Variants in GABBR2 observed in about 807,000 individuals in gnomAD.
The protein encoded by GABBR2 is G-protein coupled receptor 51.
Under a neutral mutation model 105.6 loss-of-function variants are expected in GABBR2, and 23 were observed. The ratio of observed to expected loss-of-function variants is 0.22; its 90% CI spans 0.16 to 0.31. The LOEUF (loss-of-function observed/expected upper bound fraction) is 0.31. Among genes scored for constraint, GABBR2 ranks in the 10% least tolerant of loss-of-function variants. GABBR2 has a pLI of 1.00. For synonymous variants in GABBR2, 478 were observed against 499.7 expected, an observed-to-expected ratio of 0.96 and a Z score of 0.58; for missense variants, 734 against 1,245.5, an observed-to-expected ratio of 0.59 and a Z score of 6.18.
intron 1 of GABBR2, among the ~76,000 whole-genome samples, chr9:98,633,893 C>T (rs6478789): frequency 0.76 from 115,334 of 152,036 alleles, 44,770 homozygotes; most frequent in Middle Eastern, 0.87. Flanking sequence ...AGCTCAGTGC[C>T]GGTTGGGAGC....
At chr9:98,694,109 C>T (rs904408819) in intron 1 of GABBR2, among the ~76,000 whole-genome samples, 2 of 152,238 alleles carry the variant, frequency 1.3e-5, no homozygotes, top group African/African-American at 2.4e-5. Flanking sequence ...AATGAAAACG[C>T]CCAGCACACA....
intron 1 of GABBR2, among the ~76,000 whole-genome samples, chr9:98,582,967 G>A (rs1278518717): frequency 6.6e-6 from 1 of 152,112 alleles, no homozygotes; most frequent in Non-Finnish European, 1.5e-5. Context: ...GGGATTTCTG[G>A]ATTCCCAGTC....
intron 7 of GABBR2, among the ~76,000 whole-genome samples, chr9:98,433,583 G>A (rs1825848896): frequency 6.6e-6 from 1 of 152,022 alleles, no homozygotes; most frequent in Admixed American, 6.6e-5. Context: ...CTCAAGCTTG[G>A]GGCATTGAGG....
At chr9:98,421,447 T>A (rs1832781270) in intron 7 of GABBR2, among the ~76,000 whole-genome samples, 1 of 152,156 alleles carries the variant, frequency 6.6e-6, no homozygotes, top group Admixed American at 6.6e-5. Context: ...GGAATAAAAT[T>A]AAAACTTTAC....
intron 13 of GABBR2, among the ~76,000 whole-genome samples, chr9:98,356,198 A>T (rs1392754657): frequency 2.0e-5 from 3 of 152,252 alleles, no homozygotes; most frequent in Non-Finnish European, 4.4e-5. Flanking sequence ...GCTCGATTTC[A>T]TTAAAATTTA....
chr9:98,455,263 C>T (rs1826306067), intron 6 of GABBR2, among the ~76,000 whole-genome samples: 2 of 152,174 alleles, frequency 1.3e-5, no homozygotes, highest in Non-Finnish European at 2.9e-5. Flanking sequence ...TTACTCCAGA[C>T]CTTGGAACTT....
At chr9:98,375,479 G>A (rs1284835661) in intron 11 of GABBR2, among the ~76,000 whole-genome samples, 1 of 152,160 alleles carries the variant, frequency 6.6e-6, no homozygotes, top group Non-Finnish European at 1.5e-5. Context: ...GGGAGGCAGG[G>A]CCTGCTTTGC....
At chr9:98,471,722 A>T (rs1007107647) in intron 6 of GABBR2, among the ~76,000 whole-genome samples, 12 of 152,152 alleles carry the variant, frequency 7.9e-5, no homozygotes, top group African/African-American at 2.4e-4. Flanking sequence ...TTTCATGGAT[A>T]TTTTTTTCCC....
intron 1 of GABBR2, among the ~76,000 whole-genome samples, chr9:98,597,110 T>C (rs2151216): frequency 0.081 from 12,322 of 152,238 alleles, 1,128 homozygotes; most frequent in East Asian, 0.49. Flanking sequence ...GGCCAAGCAC[T>C]GCATTGTGAA....
chr9:98,621,617 T>C (rs1003670213), intron 1 of GABBR2, among the ~76,000 whole-genome samples: 2 of 152,230 alleles, frequency 1.3e-5, no homozygotes, highest in Non-Finnish European at 2.9e-5. Context: ...AGGAAAAACA[T>C]GCTCCTTTAC....
At chr9:98,325,283 C>CTT (rs886288539) in intron 13 of GABBR2, among the ~76,000 whole-genome samples, 1,210 of 67,690 alleles carry the variant, frequency 0.018, 205 homozygotes, top group Non-Finnish European at 0.02. Context: ...GACAGCAATT[C>CTT]TTTTTTTTTT....
intron 11 of GABBR2, among the ~76,000 whole-genome samples, chr9:98,380,172 C>G (rs917534460): frequency 6.6e-6 from 1 of 152,178 alleles, no homozygotes; most frequent in African/African-American, 2.4e-5. Flanking sequence ...TGGTTGTGAA[C>G]GAAAGGCTGC....
chr9:98,412,852 A>G (rs1432531023), intron 7 of GABBR2, among the ~76,000 whole-genome samples: 1 of 152,182 alleles, frequency 6.6e-6, no homozygotes, highest in African/African-American at 2.4e-5. Context: ...AGAGGTCAAG[A>G]AGAACCTAGA....
rs1213000272 is a variant in GABBR2, at chr9:98,291,356, G to A, written c.2661-607C>T. Among the ~76,000 whole-genome samples, 3 of 152,174 alleles carry A rather than the reference G, an allele frequency of 2.0e-5. No homozygotes were observed. In the East Asian group the frequency reaches 5.8e-4, roughly 29 times the overall value. ...TCTGTATTACTAAGGACAAAGCTTT[G>A]CCTTTCTATCAGGGCTTTGCTGCAA... is the stretch of plus-strand genomic sequence containing the variant. On this transcript the variant is annotated intron_variant, in intron 18 of 18. Coordinates refer to ENST00000259455, the MANE Select transcript of GABBR2 (RefSeq NM_005458.8).
At chr9:98,293,666 GGAT>G in intron 18 of GABBR2, 116 bp downstream of exon 18, 1 of 634,824 alleles carries the variant, frequency 1.6e-6, no homozygotes, top group South Asian at 2.1e-5. Context: ...CTGCATCATG[GGAT>G]GGCTGTGGAA....
At chr9:98,505,423 GGT>G (rs59702034) in intron 3 of GABBR2, among the ~76,000 whole-genome samples, 9,440 of 148,382 alleles carry the variant, frequency 0.064, 410 homozygotes, top group East Asian at 0.13. Context: ...GCTGTATCCA[GGT>G]GTGTGTGTGT....
chr9:98,377,763 T>A (rs573853749), intron 11 of GABBR2, among the ~76,000 whole-genome samples: 28 of 152,134 alleles, frequency 1.8e-4, no homozygotes, highest in African/African-American at 6.7e-4. Flanking sequence ...AGCCCCCTCC[T>A]CTGGAAGGGA....
chr9:98,496,376 T>A (rs1432882486), intron 4 of GABBR2, 37 bp downstream of exon 4: 9 of 1,289,106 alleles, frequency 7.0e-6, no homozygotes, highest in Non-Finnish European at 9.1e-6. Flanking sequence ...GGCATTGAGA[T>A]CAGTCTGCCA....
chr9:98,577,822 G>C (rs1480062774), intron 2 of GABBR2, 113 bp downstream of exon 2: 55 of 1,023,460 alleles, frequency 5.4e-5, no homozygotes, highest in Non-Finnish European at 8.5e-6. Context: ...AGAAAGTCCA[G>C]GAGGCCTGAC....
Sources: allele counts gnomAD v4.1 joint callset (sites outside exome capture counted in the v4.1 genomes callset), GRCh38; gene constraint gnomAD v4.1.1; transcripts MANE v1.5; gene names NCBI Gene and HGNC (gene_info 2026-07-23, HGNC 2026-07-21).